The following PRKRA variants were observed in gnomAD, a reference collection of about 807,000 sequenced individuals.
PRKRA encodes protein activator of interferon induced protein kinase EIF2AK2, also known as interferon-inducible double-stranded RNA-dependent protein kinase activator A.
In PRKRA, 22 loss-of-function variants were observed where a neutral mutation model predicts 32.4. The observed-to-expected ratio is 0.68, with a 90% CI of 0.49 to 0.97. The LOEUF is 0.97. PRKRA is among the 50% of genes least tolerant of loss of function. PRKRA has a pLI of 0.00. For missense variants in PRKRA, 319 were observed against 375.6 expected (o/e 0.85, Z 1.25); for synonymous variants, 139 against 129.8 (o/e 1.07, Z -0.48).
At chr2:178,441,752 C>T (rs2154125051) in intron 5 of PRKRA, 48 bp from the exon 6 acceptor site, 2 of 1,124,464 alleles carry the variant, frequency 1.8e-6, no homozygotes, top group East Asian at 9.1e-5. Flanking sequence ...AATTAGTGTC[C>T]ACAGAGGATG....
At chr2:178,441,448 C>T (rs920276301) in intron 6 of PRKRA, among the ~76,000 whole-genome samples, 162 bp downstream of exon 6, 2 of 152,294 alleles carry the variant, frequency 1.3e-5, no homozygotes, top group African/African-American at 4.8e-5. Flanking sequence ...TCCTGACTCA[C>T]AAACAGGAAG....
chr2:178,436,411 C>T (rs1575088407), intron 6 of PRKRA, 92 bp from the exon 7 acceptor site: 10 of 788,994 alleles, frequency 1.3e-5, no homozygotes, highest in East Asian at 4.6e-5. Context: ...TAAGCACTCA[C>T]ATTTAATATG....
chr2:178,437,000 G>A (rs916031951), intron 6 of PRKRA, among the ~76,000 whole-genome samples: 1 of 151,680 alleles, frequency 6.6e-6, no homozygotes, highest in South Asian at 2.1e-4. Context: ...ATTAGTTTAT[G>A]GTTCTCAAAT....
Position 178,432,141 on chromosome 2 carries a change from G to A in PRKRA, c.898C>T (p.His300Tyr). Reference protein sequence around the residue: ...SCGNAQSDAAHNALQYLKIIA... With the variant: ...SCGNAQSDAAYNALQYLKIIA... ...ATCTTTAAATACTGCAAAGCATTGT[G>A]AGCTGCATCACTTTGTGCATTGCCA... The change falls in exon 8 of 8, where the codon CAC becomes TAC. Residue 300 changes from histidine (H) to tyrosine (Y), a missense_variant. By Grantham distance (83) the His-to-Tyr change is moderately conservative. Transcript: ENST00000325748. 1 of 1,614,208 alleles carries A rather than the reference G, an allele frequency of 6.2e-7. No homozygotes were observed. The highest frequency in any genetic ancestry group is 1.1e-5 in the South Asian group (1 of 91,076).
chr2:178,434,956 T>A (rs1260030339), intron 7 of PRKRA, among the ~76,000 whole-genome samples: 2 of 149,360 alleles, frequency 1.3e-5, no homozygotes, highest in Admixed American at 1.4e-4. Context: ...CTCCCATCTC[T>A]ACTAAAAAAA....
At chr2:178,441,045 A>G (rs936909471) in intron 6 of PRKRA, among the ~76,000 whole-genome samples, 6 of 152,248 alleles carry the variant, frequency 3.9e-5, no homozygotes, top group African/African-American at 1.4e-4. Context: ...TCTCTCTGGA[A>G]TTCTTTTCCC....
At chr2:178,442,758 C>G (rs971466304) in intron 5 of PRKRA, among the ~76,000 whole-genome samples, 6 of 152,274 alleles carry the variant, frequency 3.9e-5, no homozygotes, top group Middle Eastern at 3.4e-3. Flanking sequence ...CTCGCTAGTA[C>G]TTTTTAAAGT....
chr2:178,432,026 G>A lies in PRKRA; in HGVS notation c.*71C>T. The A allele has an allele frequency of 6.5e-7, 1 of 1,537,772 alleles. No homozygotes were observed. The highest frequency in any genetic ancestry group is 1.7e-4 in the Middle Eastern group (1 of 5,828). ...ACAAGACATAAACACTACGGTAAAA[G>A]TTTTACTTGGGAAGGGGCCAGAGGG... is the stretch of plus-strand genomic sequence containing the variant. On this transcript the variant is annotated 3_prime_UTR_variant, in exon 8 of 8. Transcript: ENST00000325748.
intron 1 of PRKRA, chr2:178,450,720 C>CG: frequency 7.3e-7 from 1 of 1,378,470 alleles, no homozygotes. Context: ...GATCCCTTCC[C>CG]GGGCGCGCCG....
At chr2:178,434,679 T>C (rs1425362833) in intron 7 of PRKRA, among the ~76,000 whole-genome samples, 1 of 152,128 alleles carries the variant, frequency 6.6e-6, no homozygotes, top group African/African-American at 2.4e-5. Flanking sequence ...ACTTCACCCG[T>C]CCTTCAATCC....
chr2:178,450,138 C>A, intron 2 of PRKRA, 104 bp downstream of exon 2: 1 of 1,216,242 alleles, frequency 8.2e-7, no homozygotes, highest in Non-Finnish European at 1.1e-6. Context: ...AGAGCCTGTT[C>A]CTCACAGCTG....
chr2:178,432,213 G>C lies in PRKRA; in HGVS notation c.826C>G (p.Leu276Val). The C allele has an allele frequency of 6.2e-7, 1 of 1,614,246 alleles. No individual in the cohort carries two copies. Among genetic ancestry groups the C allele is most frequent in the Non-Finnish European group, 8.5e-7 (1 of 1,180,046 alleles). The stretch of plus-strand genomic sequence containing the variant: ...CAGACTGTGATGGGGCTGGTGGACA[G>C]TTCAGCAAGACATTGATATTGTCCA... ...ANGQYQCLAE[L>V]STSPITVCHG... The change falls in exon 8 of 8, where the codon CTG becomes GTG. Residue 276 changes from leucine to valine, a missense_variant. By Grantham distance (32) the Leu-to-Val change is conservative. Coordinates refer to ENST00000325748, the MANE Select transcript of PRKRA (RefSeq NM_003690.5).
In PRKRA at chr2:178,436,200, C is replaced by G. The variant is rs200299118; in HGVS notation, c.729G>C (p.Gln243His). ...GTTCCTTGGCAATTTCACTAAGCAG[C>G]TGGATGTAATCTGTATTTGGAATAC... ...LLSIPNTDYI[Q>H]LLSEIAKEQG... Residue 243 changes from glutamine to histidine, a missense_variant, in exon 7 of 8, where the codon CAG becomes CAC. Coordinates refer to ENST00000325748, the MANE Select transcript of PRKRA (RefSeq NM_003690.5). 53 of 1,612,500 alleles carry G rather than the reference C, an allele frequency of 3.3e-5. No individual in the cohort carries two copies. The Middle Eastern group carries it at 4.9e-4, about 15-fold the overall frequency.
intron 3 of PRKRA, among the ~76,000 whole-genome samples, chr2:178,446,300 C>A (rs1575097903): frequency 6.6e-6 from 1 of 152,246 alleles, no homozygotes. Context: ...CAGGCGTGAG[C>A]CACCCCGCCC....
chr2:178,441,486 G>A, intron 6 of PRKRA, 124 bp downstream of exon 6: 1 of 829,828 alleles, frequency 1.2e-6, no homozygotes. Flanking sequence ...GGGTATAACT[G>A]AATAATGAAG....
chr2:178,441,900 T>TA (rs1205472421), intron 5 of PRKRA, among the ~76,000 whole-genome samples, 196 bp from the exon 6 acceptor site: 1 of 151,336 alleles, frequency 6.6e-6, no homozygotes, highest in Non-Finnish European at 1.5e-5. Flanking sequence ...TTTTTTTTTT[T>TA]TTTTGAGACG....
At chr2:178,434,545 A>G (rs1238123388) in intron 7 of PRKRA, among the ~76,000 whole-genome samples, 3 of 151,874 alleles carry the variant, frequency 2.0e-5, no homozygotes, top group Non-Finnish European at 4.4e-5. Context: ...CAGCCTCCCT[A>G]GTAGACTGGA....
Position 178,450,323 on chromosome 2 carries a change from A to C in PRKRA, c.154T>G (p.Tyr52Asp). 1 of 1,614,276 alleles carries C rather than the reference A, an allele frequency of 6.2e-7. No homozygotes were observed. The highest frequency in any genetic ancestry group is 2.2e-5 in the East Asian group (1 of 44,890). Residue 52 changes from tyrosine (Y) to aspartate (D), a missense_variant, in exon 2 of 8, where the codon TAT (tyrosine) becomes GAT (aspartate). Physicochemically the swap from Tyr to Asp is radical, Grantham distance 160. Transcript: ENST00000325748. ...TGCACATCAGATCTTTCACATTCAT[A>C]AACTGGGATGTTCTTGGTCTTCATG... ...YGMKTKNIPV[Y>D]ECERSDVQIH...
intron 5 of PRKRA, among the ~76,000 whole-genome samples, 183 bp from the exon 6 acceptor site, chr2:178,441,887 C>CTTTT (rs541455452): frequency 4.9e-4 from 65 of 131,732 alleles, no homozygotes; most frequent in Admixed American, 2.3e-3. Flanking sequence ...GCTATTAATT[C>CTTTT]TTTTTTTTTT....
Sources: gnomAD v4.1 joint callset for allele counts (sites outside exome capture counted in the v4.1 genomes callset) on GRCh38, gnomAD v4.1.1 for gene constraint, MANE v1.5 for transcripts, NCBI Gene and HGNC (gene_info 2026-07-23, HGNC 2026-07-21) for gene names.